PCDHA7: variants seen among roughly 807,000 people sequenced by gnomAD.
PCDHA7 encodes the protein protocadherin alpha 7.
In PCDHA7, 37 loss-of-function variants were observed where a neutral mutation model predicts 57.2. The observed-to-expected ratio is 0.65, with a 90% CI of 0.50 to 0.85. PCDHA7 has a LOEUF of 0.85. PCDHA7 is among the 40% of genes least tolerant of loss of function. PCDHA7 has a pLI of 0.00. For missense variants in PCDHA7, 1,188 were observed against 1,241.8 expected, an observed-to-expected ratio of 0.96 and a Z score of 0.65; for synonymous variants, 553 against 558.8, an observed-to-expected ratio of 0.99 and a Z score of 0.15.
intron 1 of PCDHA7, among the ~76,000 whole-genome samples, chr5:140,960,218 A>G (rs2095532618): frequency 6.6e-6 from 1 of 152,206 alleles, no homozygotes; most frequent in Non-Finnish European, 1.5e-5. Flanking sequence ...CAGGATCTCA[A>G]GAAACAGAGC....
chr5:140,863,572 A>T (rs2048074367), intron 1 of PCDHA7: 1 of 368,290 alleles, frequency 2.7e-6, no homozygotes, highest in African/African-American at 2.1e-5. Flanking sequence ...GAATATAAGT[A>T]CTGTAATCCT....
At chr5:140,971,110 G>A (rs2096457221) in intron 1 of PCDHA7, among the ~76,000 whole-genome samples, 1 of 152,172 alleles carries the variant, frequency 6.6e-6, no homozygotes, top group Admixed American at 6.5e-5. Flanking sequence ...CTTTGGGATT[G>A]GGGTGGGCTA....
In PCDHA7 at chr5:141,011,598, G is replaced by A. The variant is rs530366689; in HGVS notation, c.*1661G>A. ...TTAAATCAAGATACTGGTGATTCAA[G>A]GAATTTTATTTATGGTCCAGCCAAG... On this transcript the variant is annotated 3_prime_UTR_variant, in exon 4 of 4. Transcript: ENST00000525929. 6.5e-6 allele frequency: 1 copy of A among 153,736 alleles called. No homozygotes were observed. Among genetic ancestry groups the A allele is most frequent in the Non-Finnish European group, 1.5e-5 (1 of 68,012 alleles). The allele number at this position is 153,736 out of a possible 1,614,324, so 9.5% of individuals were successfully genotyped here.
At chr5:140,999,666 G>A (rs185222092) in intron 3 of PCDHA7, among the ~76,000 whole-genome samples, 194 of 152,216 alleles carry the variant, frequency 1.3e-3, no homozygotes, top group African/African-American at 4.4e-3. Flanking sequence ...GCTGGGTTGC[G>A]GGGGGCTCAC....
rs1554135337 is a variant in PCDHA7, at chr5:140,835,852, T to C, written c.1469T>C (p.Val490Ala). ...GDADAQKNALVSYSLVELRVG... is the reference protein window; with the variant it reads ...GDADAQKNALASYSLVELRVG... ...GCGGACGCGCAGAAGAACGCGCTGG[T>C]GTCCTACTCGCTGGTGGAGCTGCGG... The change falls in exon 1 of 4, where the codon GTG (valine) becomes GCG (alanine). Residue 490 changes from valine (V) to alanine (A), a missense_variant. Physicochemically the swap from Val to Ala is moderately conservative, Grantham distance 64. Coordinates refer to ENST00000525929, the MANE Select transcript of PCDHA7 (RefSeq NM_018910.3). 1 of 1,612,246 alleles carries C rather than the reference T, an allele frequency of 6.2e-7. No homozygotes were observed. Among genetic ancestry groups the C allele is most frequent in the Non-Finnish European group, 8.5e-7 (1 of 1,179,648 alleles).
intron 1 of PCDHA7, among the ~76,000 whole-genome samples, chr5:140,873,191 C>G (rs1554166611): frequency 6.6e-6 from 1 of 151,960 alleles, no homozygotes; most frequent in Non-Finnish European, 1.5e-5. Flanking sequence ...TATTCATTGG[C>G]TAAAAACATT....
Position 140,850,298 on chromosome 5 carries a change from G to C in PCDHA7, c.2355+13560G>C, listed in dbSNP as rs200693140. ...AGGTGCGCGCAGTGGACGCCGACTCGGGCTACAACGCGTGGCTTTCATACG... is the reference window on the plus strand; with the variant it reads ...AGGTGCGCGCAGTGGACGCCGACTCCGGCTACAACGCGTGGCTTTCATACG... On this transcript the variant is annotated intron_variant, in intron 1 of 3. Coordinates refer to ENST00000525929, the MANE Select transcript of PCDHA7 (RefSeq NM_018910.3). The C allele has an allele frequency of 4.2e-5, 67 of 1,596,354 alleles. 8 individuals are homozygous for C. Among genetic ancestry groups the C allele is most frequent in the Middle Eastern group, 3.9e-4 (2 of 5,190 alleles).
At chr5:140,924,725 C>T (rs1015635507) in intron 1 of PCDHA7, among the ~76,000 whole-genome samples, 71 of 151,698 alleles carry the variant, frequency 4.7e-4, no homozygotes, top group African/African-American at 1.6e-3. Flanking sequence ...CGAAACCTCA[C>T]CTCTAATAAA....
rs1554206132 is a variant in PCDHA7, at chr5:140,928,678, C to A, written c.2356-50271C>A. 3.1e-6 allele frequency: 5 copies of A among 1,614,192 alleles called. No individual in the cohort carries two copies. The East Asian group carries it at 1.1e-4, about 36-fold the overall frequency. ...TGCTGACAGTGGTTCTAATGCCTGGCTTTCCTACCACATCTCCCGGGCGTC... is the reference window on the plus strand; with the variant it reads ...TGCTGACAGTGGTTCTAATGCCTGGATTTCCTACCACATCTCCCGGGCGTC... On this transcript the variant is annotated intron_variant, in intron 1 of 3. Coordinates refer to ENST00000525929, the MANE Select transcript of PCDHA7 (RefSeq NM_018910.3).
In PCDHA7 at chr5:141,010,605, A is replaced by G. The variant is rs2098417765; in HGVS notation, c.*668A>G. ...AAAGTCTGTTGGCTGTGACGTCATT[A>G]TACCTAAAATCTGCATCATACCTGC... On this transcript the variant is annotated 3_prime_UTR_variant, in exon 4 of 4. Transcript: ENST00000525929. 1 of 206,202 alleles carries G rather than the reference A, an allele frequency of 4.8e-6. No individual in the cohort carries two copies. Among genetic ancestry groups the G allele is most frequent in the Non-Finnish European group, 9.9e-6 (1 of 101,122 alleles). 12.8% of individuals were successfully genotyped at this position (206,202 alleles called of 1,614,324 possible). A position where few individuals can be genotyped will look rare whatever the true frequency, so the allele number is the denominator to read the frequency against.
intron 1 of PCDHA7, chr5:140,843,131 A>C: frequency 6.3e-7 from 1 of 1,596,044 alleles, no homozygotes; most frequent in South Asian, 1.1e-5. Flanking sequence ...CTCGGGCTAC[A>C]ACGCGTGGCT....
chr5:140,848,256 A>T, intron 1 of PCDHA7: 1 of 476,798 alleles, frequency 2.1e-6, no homozygotes, highest in Admixed American at 3.8e-5. Context: ...ATAACTGTGA[A>T]ATTTTTATTC....
At chr5:140,969,501 A>G (rs2096338220) in intron 1 of PCDHA7, 20 of 1,431,968 alleles carry the variant, frequency 1.4e-5, no homozygotes, top group Non-Finnish European at 1.9e-5. Context: ...CTCTCTAGAA[A>G]AATAGCACTA....
intron 1 of PCDHA7, chr5:140,865,531 T>A (rs562505947): frequency 4.6e-5 from 7 of 152,326 alleles, no homozygotes; most frequent in African/African-American, 1.7e-4. Flanking sequence ...ATTCTCTTCA[T>A]CCATAGCTAT....
chr5:140,864,321 C>T (rs1040853151), intron 1 of PCDHA7: 1 of 152,126 alleles, frequency 6.6e-6, no homozygotes, highest in African/African-American at 2.4e-5. Flanking sequence ...TATTTAATAT[C>T]ATAATTATTT....
In PCDHA7 at chr5:140,857,546, G is replaced by A. The variant is rs1554150192; in HGVS notation, c.2355+20808G>A. 8 of 1,596,870 alleles carry A rather than the reference G, an allele frequency of 5.0e-6. 2 individuals carry two copies. In the Admixed American group the frequency reaches 8.4e-5, roughly 17 times the overall value. On this transcript the variant is annotated intron_variant, in intron 1 of 3. Coordinates refer to ENST00000525929, the MANE Select transcript of PCDHA7 (RefSeq NM_018910.3). ...CTCTCTGGTGGAGCGGCGGTTGGGC[G>A]AGCGCTCGCTGTCGAGCTACGTGTC...
At chr5:140,927,672 A>G in intron 1 of PCDHA7, 1 of 1,614,202 alleles carries the variant, frequency 6.2e-7, no homozygotes, top group Non-Finnish European at 8.5e-7. Flanking sequence ...CCTTGGATCC[A>G]GATGAAGGGT....
intron 1 of PCDHA7, chr5:140,857,954 C>G: frequency 6.3e-7 from 1 of 1,597,286 alleles, no homozygotes; most frequent in South Asian, 1.1e-5. Flanking sequence ...GACGCGCGCT[C>G]TGGATGAGAC....
chr5:140,904,773 CATT>C (rs2071382352), intron 1 of PCDHA7, among the ~76,000 whole-genome samples: 1 of 152,076 alleles, frequency 6.6e-6, no homozygotes, highest in Non-Finnish European at 1.5e-5. Flanking sequence ...GATGGTATCA[CATT>C]ATTGTTTTAA....
Sources: allele counts gnomAD v4.1 joint callset (sites outside exome capture counted in the v4.1 genomes callset), GRCh38; gene constraint gnomAD v4.1.1; transcripts MANE v1.5; gene names NCBI Gene and HGNC (gene_info 2026-07-23, HGNC 2026-07-21).